Variants in SYK observed in about 807,000 individuals in gnomAD.
SYK encodes the protein tyrosine-protein kinase SYK.
A neutral mutation model predicts 77.8 loss-of-function variants in SYK; 16 were observed. The observed-to-expected ratio is 0.21, with a 90% CI of 0.14 to 0.31. The LOEUF is 0.31. SYK is among the 10% of genes least tolerant of loss of function. The pLI is 1.00. For missense variants in SYK, 529 were observed against 814.4 expected (o/e 0.65, Z 4.26); for synonymous variants, 312 against 308.7 (o/e 1.01, Z -0.11).
At chr9:90,818,406 G>A (rs572804223) in intron 1 of SYK, among the ~76,000 whole-genome samples, 2 of 152,216 alleles carry the variant, frequency 1.3e-5, no homozygotes, top group Admixed American at 6.5e-5. Flanking sequence ...GGTCAACCAG[G>A]CCATTTTGTT....
rs778731573 is a variant in SYK at position 90,895,604 on chromosome 9, C to T, written c.*4C>T. The T allele has an allele frequency of 1.2e-6, 2 of 1,613,840 alleles. No homozygotes were observed. The highest frequency in any genetic ancestry group is 1.7e-6 in the Non-Finnish European group (2 of 1,179,794). On this transcript the variant is annotated 3_prime_UTR_variant, in exon 14 of 14. Transcript: ENST00000375754. The surrounding 1 kb of genome is among the most constrained non-coding windows in gnomAD (Gnocchi z 4.4). The stretch of plus-strand genomic sequence containing the variant: ...CTACTATGACGTGGTGAACTAACCG[C>T]TCCCGCACCTGTCGGTGGCTGCCTT...
At chr9:90,867,292 G>GC in intron 7 of SYK, 93 bp downstream of exon 7, 4 of 1,282,152 alleles carry the variant, frequency 3.1e-6, no homozygotes, top group Non-Finnish European at 4.5e-6. Context: ...TGTGTGCGCT[G>GC]CCCCCCATCT....
intron 9 of SYK, 78 bp downstream of exon 9, chr9:90,874,927 C>A (rs557030950): frequency 2.0e-6 from 3 of 1,506,764 alleles, no homozygotes; most frequent in Non-Finnish European, 2.7e-6. Context: ...CAAAATGTAA[C>A]CTGGCATGAC....
chr9:90,820,495 G>A (rs1825474383), intron 1 of SYK, among the ~76,000 whole-genome samples: 1 of 152,200 alleles, frequency 6.6e-6, no homozygotes, highest in Non-Finnish European at 1.5e-5. Context: ...CCACGTGGAA[G>A]CTGCCAAAGC....
chr9:90,805,092 C>T (rs1397678058), intron 1 of SYK, among the ~76,000 whole-genome samples: 1 of 152,198 alleles, frequency 6.6e-6, no homozygotes, highest in Non-Finnish European at 1.5e-5. Context: ...GTTTATGTTA[C>T]AGTACATTTA....
At chr9:90,854,282 G>C (rs982271030) in intron 3 of SYK, among the ~76,000 whole-genome samples, 10 of 152,200 alleles carry the variant, frequency 6.6e-5, no homozygotes, top group Non-Finnish European at 1.0e-4. Context: ...TGCTCTGACG[G>C]CTCACAGCAG....
At chr9:90,810,375 A>G (rs535667347) in intron 1 of SYK, among the ~76,000 whole-genome samples, 20 of 152,292 alleles carry the variant, frequency 1.3e-4, no homozygotes, top group African/African-American at 2.9e-4. Flanking sequence ...GACACCAGTC[A>G]TGTTGGAGTA....
At chr9:90,874,440 C>T in intron 8 of SYK, 149 bp downstream of exon 8, 1 of 909,988 alleles carries the variant, frequency 1.1e-6, no homozygotes, top group Non-Finnish European at 1.7e-6. Context: ...TAGTGGCAGG[C>T]AGCAGGCACC....
intron 1 of SYK, among the ~76,000 whole-genome samples, chr9:90,831,457 AT>A (rs761382122): frequency 1.3e-5 from 2 of 152,256 alleles, no homozygotes; most frequent in Non-Finnish European, 2.9e-5. Flanking sequence ...GATAGGAGTA[AT>A]ATATTTAAGA....
At chr9:90,879,721 A>G (rs1828075330) in intron 11 of SYK, among the ~76,000 whole-genome samples, 3 of 152,224 alleles carry the variant, frequency 2.0e-5, no homozygotes, top group Non-Finnish European at 2.9e-5. Context: ...AGCTAAAAGA[A>G]ATATGCCCCT....
chr9:90,874,314 G>A, intron 8 of SYK, 23 bp downstream of exon 8: 4 of 1,611,806 alleles, frequency 2.5e-6, no homozygotes, highest in Middle Eastern at 1.7e-4. Flanking sequence ...TTCATTCAAG[G>A]GACATTCACA....
Position 90,808,955 on chromosome 9 carries a change from A to G in SYK, c.-42+7062A>G, listed in dbSNP as rs1317237150. The stretch of plus-strand genomic sequence containing the variant: ...CATCTCCTCAGATCCTCAGCGTGCT[A>G]TGACTTCATTTTCTGTAATACTGTT... On this transcript the variant is annotated intron_variant, in intron 1 of 13. Transcript: ENST00000375754. Among the ~76,000 whole-genome samples, 4 of 152,260 alleles carry G rather than the reference A, an allele frequency of 2.6e-5. No homozygotes were observed. In the East Asian group the frequency reaches 5.8e-4, roughly 22 times the overall value.
intron 13 of SYK, among the ~76,000 whole-genome samples, chr9:90,891,878 G>A (rs1353888868): frequency 6.6e-6 from 1 of 152,136 alleles, no homozygotes; most frequent in Non-Finnish European, 1.5e-5. Flanking sequence ...CAGTTCCAGG[G>A]TGTGGTCCTG....
chr9:90,878,950 C>T lies in SYK; in HGVS notation c.1578C>T (p.Tyr526=). The T allele has an allele frequency of 6.2e-7, 1 of 1,605,664 alleles. No homozygotes were observed. The highest frequency in any genetic ancestry group is 8.5e-7 in the Non-Finnish European group (1 of 1,172,762). ...SKALRADENY[Y]KAQTHGKWPV... is the part of the protein sequence containing the mutation. ...CACTGCGTGCTGATGAAAACTACTA[C>T]AAGGTAAGTACAACTTAGCTAATAT... is the stretch of plus-strand genomic sequence containing the variant. Residue 526 remains tyrosine, a synonymous_variant, in exon 11 of 14, where the codon TAC becomes TAT. Coordinates refer to ENST00000375754, the MANE Select transcript of SYK (RefSeq NM_003177.7).
chr9:90,890,116 G>A (rs1375760145), intron 13 of SYK, among the ~76,000 whole-genome samples: 2 of 152,192 alleles, frequency 1.3e-5, no homozygotes, highest in Non-Finnish European at 2.9e-5. Context: ...ATGTACTTCT[G>A]TCGATTCTTC....
intron 1 of SYK, among the ~76,000 whole-genome samples, chr9:90,818,301 A>G (rs1326368029): frequency 6.6e-6 from 1 of 152,208 alleles, no homozygotes; most frequent in Non-Finnish European, 1.5e-5. Flanking sequence ...TGGCATTGAA[A>G]CCAATGGTTA....
chr9:90,864,705 T>C (rs1175349115), intron 5 of SYK, 38 bp downstream of exon 5: 2 of 1,573,896 alleles, frequency 1.3e-6, no homozygotes, highest in Non-Finnish European at 1.7e-6. Context: ...GTGTTTGAGG[T>C]ATCAGTGACA....
chr9:90,850,125 T>C (rs1365981201), intron 3 of SYK, among the ~76,000 whole-genome samples: 2 of 152,250 alleles, frequency 1.3e-5, no homozygotes, highest in Non-Finnish European at 2.9e-5. Flanking sequence ...GGTGTGTTTA[T>C]TTCCACTCTG....
At chr9:90,871,475 A>G (rs557067740) in intron 7 of SYK, among the ~76,000 whole-genome samples, 45 of 152,108 alleles carry the variant, frequency 3.0e-4, no homozygotes, top group African/African-American at 9.1e-4. Flanking sequence ...ACAATTTATC[A>G]TTATGCCACT....
Sources: gnomAD v4.1 joint callset for allele counts (sites outside exome capture counted in the v4.1 genomes callset) on GRCh38, gnomAD v4.1.1 for gene constraint, Gnocchi (gnomAD v3.1) non-coding constraint, MANE v1.5 for transcripts, NCBI Gene and HGNC (gene_info 2026-07-23, HGNC 2026-07-21) for gene names.